The following RNF157 variants were observed in gnomAD, a reference collection of about 807,000 sequenced individuals.
RNF157 encodes the protein ring finger protein 157, also known as E3 ubiquitin ligase RNF157.
RNF157 carries 55 observed loss-of-function variants against 88.3 expected under a neutral mutation model. That is an observed-to-expected ratio of 0.62 (90% confidence interval 0.50 to 0.78). RNF157 has a LOEUF of 0.78. Ranked by LOEUF, RNF157 falls within the 30% of genes least tolerant of loss-of-function variation. RNF157 has a pLI of 0.00. For missense variants in RNF157, 788 were observed against 860.8 expected, an observed-to-expected ratio of 0.92 and a Z score of 1.06; for synonymous variants, 334 against 341.2, an observed-to-expected ratio of 0.98 and a Z score of 0.23.
intron 2 of RNF157, among the ~76,000 whole-genome samples, chr17:76,203,287 C>T (rs941244150): frequency 6.6e-6 from 1 of 152,058 alleles, no homozygotes; most frequent in African/African-American, 2.4e-5. Flanking sequence ...CATCAGGTCC[C>T]GCCATCATTT....
At chr17:76,150,090 A>T (rs1447412470) in intron 18 of RNF157, among the ~76,000 whole-genome samples, 1 of 152,198 alleles carries the variant, frequency 6.6e-6, no homozygotes, top group Admixed American at 6.5e-5. Flanking sequence ...TCCTTGCCAC[A>T]GAAGCGTTCC....
intron 2 of RNF157, among the ~76,000 whole-genome samples, chr17:76,184,909 G>C (rs2069255069): frequency 6.6e-6 from 1 of 152,192 alleles, no homozygotes; most frequent in African/African-American, 2.4e-5. Flanking sequence ...ATGGCTATAT[G>C]ACCTCCCACC....
intron 1 of RNF157, among the ~76,000 whole-genome samples, chr17:76,229,680 A>G (rs1280160491): frequency 1.3e-5 from 2 of 152,182 alleles, no homozygotes; most frequent in Non-Finnish European, 2.9e-5. Flanking sequence ...CTGGCACCAG[A>G]ACTCCTCTTA....
chr17:76,226,142 C>T (rs900563775), intron 1 of RNF157: 48 of 1,603,442 alleles, frequency 3.0e-5, no homozygotes, highest in Middle Eastern at 3.4e-4. Context: ...TGGGCTCATA[C>T]AGATGCCACT....
At position 76,152,380 on chromosome 17, in the gene RNF157, C is replaced by T; in HGVS notation, c.1896G>A (p.Lys632=). The T allele has an allele frequency of 1.2e-6, 2 of 1,611,486 alleles. No individual in the cohort carries two copies. Among genetic ancestry groups the T allele is most frequent in the East Asian group, 2.2e-5 (1 of 44,866 alleles). Reference sequence around the variant, plus strand: ...CAGGTAAGCAGACCTCAGAGCACAGCTTATTGTCCAGTGCTTTCACGCTTG... The same window carrying T: ...CAGGTAAGCAGACCTCAGAGCACAGTTTATTGTCCAGTGCTTTCACGCTTG... The part of the protein sequence containing the change: ...DIASVKALDN[K]LCSEVCLPGA... Residue 632 remains lysine, a synonymous_variant, in exon 18 of 19, where the codon AAG becomes AAA. Coordinates refer to ENST00000269391, the MANE Select transcript of RNF157 (RefSeq NM_052916.3).
chr17:76,175,748 C>T lies in RNF157; in HGVS notation c.208-1958G>A, dbSNP rs2069092551. The stretch of plus-strand genomic sequence containing the variant: ...CTTGGGCGTTATCCATAACTCCTAC[C>T]TGCATTTCAAAAAAAAGATGCGTCT... On this transcript the variant is annotated intron_variant, in intron 2 of 18. Coordinates refer to ENST00000269391, the MANE Select transcript of RNF157 (RefSeq NM_052916.3). 1.2e-5 allele frequency: 12 copies of T among 984,770 alleles called. No individual in the cohort carries two copies. In the South Asian group the frequency reaches 5.6e-4, roughly 46 times the overall value. The allele number at this position is 984,770 out of a possible 1,614,324, so 61.0% of individuals were successfully genotyped here.
In RNF157 at chr17:76,159,550, G is replaced by A; in HGVS notation, c.1089C>T (p.Gly363=). 6.3e-7 allele frequency: 1 copy of A among 1,597,262 alleles called. No homozygotes were observed. Among genetic ancestry groups the A allele is most frequent in the Non-Finnish European group, 8.5e-7 (1 of 1,175,642 alleles). The change falls in exon 12 of 19, where the codon GGC becomes GGT. Residue 363 remains glycine, a synonymous_variant. Transcript: ENST00000269391. ...EHPSSENIPP[G]YEVVSLLEAL... is the part of the protein sequence containing the mutation. ...CCTCCAGAAGAGATACTACTTCATA[G>A]CCTGGTGGAATATTCTCTGAGGACT...
At chr17:76,238,184 G>A (rs1016293810) in intron 1 of RNF157, among the ~76,000 whole-genome samples, 1 of 151,866 alleles carries the variant, frequency 6.6e-6, no homozygotes, top group African/African-American at 2.4e-5. Flanking sequence ...ATCCCATAAA[G>A]AGCCAGGTCA....
chr17:76,225,086 C>T (rs368763224), intron 1 of RNF157, among the ~76,000 whole-genome samples: 2 of 151,990 alleles, frequency 1.3e-5, no homozygotes, highest in African/African-American at 4.8e-5. Flanking sequence ...GCAGAAGAAT[C>T]GCTTGAACCT....
chr17:76,154,491 C>A, intron 16 of RNF157, 163 bp from the exon 17 acceptor site: 1 of 635,218 alleles, frequency 1.6e-6, no homozygotes, highest in Non-Finnish European at 2.9e-6. Flanking sequence ...TGAGTAGAGG[C>A]AGATCTTGCT....
rs150232473 is a variant in RNF157, at chr17:76,142,704, G to A, written c.*2531C>T. ...GGACCCCAACTCCCAGGTGAGGTGG[G>A]CAGGACCCTAACTCCCAGGCCAGCC... On this transcript the variant is annotated 3_prime_UTR_variant, in exon 19 of 19. Coordinates refer to ENST00000269391, the MANE Select transcript of RNF157 (RefSeq NM_052916.3). 0.016 allele frequency: 2,493 copies of A among 152,564 alleles called. 43 individuals are homozygous for A. The highest frequency in any genetic ancestry group is 0.025 in the Non-Finnish European group (1,738 of 68,178). The allele number at this position is 152,564 out of a possible 1,614,324, so 9.5% of individuals were successfully genotyped here.
At chr17:76,226,800 C>T (rs1393393422) in intron 1 of RNF157, 32 of 1,553,650 alleles carry the variant, frequency 2.1e-5, no homozygotes, top group Admixed American at 8.0e-5. Context: ...AAGCTCATTT[C>T]GGTCATGTTG....
At position 76,240,145 on chromosome 17, in the gene RNF157, G is replaced by A. The variant is rs1333063091; in HGVS notation, c.88+8C>T. Reference sequence around the variant, plus strand: ...CTCCTCGCGGCTGCGGCGCCCGCCCGCCCTCACCGGACTTGGGCGGGTAGC... The same window carrying A: ...CTCCTCGCGGCTGCGGCGCCCGCCCACCCTCACCGGACTTGGGCGGGTAGC... On this transcript the variant is annotated splice_region_variant and intron_variant, in intron 1 of 18. Transcript: ENST00000269391. This position sits in a 1 kb window ranked among gnomAD's most constrained non-coding sequence, Gnocchi z 4.4. 3.0e-6 allele frequency: 4 copies of A among 1,328,220 alleles called. No individual in the cohort carries two copies. The highest frequency in any genetic ancestry group is 2.3e-5 in the South Asian group (1 of 43,950). The allele number at this position is 1,328,220 out of a possible 1,614,324, so 82.3% of individuals were successfully genotyped here.
At position 76,146,391 on chromosome 17, in the gene RNF157, G is replaced by A. The variant is rs560446898; in HGVS notation, c.1922-1038C>T. ...TGCTCAGGCTCCTCCAGGCCATCTCGCCTCTCCCCTGGGAGTCCTCTTCAT... is the reference window on the plus strand; with the variant it reads ...TGCTCAGGCTCCTCCAGGCCATCTCACCTCTCCCCTGGGAGTCCTCTTCAT... On this transcript the variant is annotated intron_variant, in intron 18 of 18. Transcript: ENST00000269391. The surrounding 1 kb of genome is among the most constrained non-coding windows in gnomAD (Gnocchi z 4.2). 85 of 985,528 alleles carry A rather than the reference G, an allele frequency of 8.6e-5. No individual in the cohort carries two copies. The South Asian group carries it at 3.2e-3, about 38-fold the overall frequency. The allele number at this position is 985,528 out of a possible 1,614,324, so 61.0% of individuals were successfully genotyped here.
rs1262259943 is a variant in RNF157, at chr17:76,157,081, C to T, written c.1414-760G>A. Among the ~76,000 whole-genome samples the T allele has an allele frequency of 6.6e-6, 1 of 152,156 alleles. No individual in the cohort carries two copies. The highest frequency in any genetic ancestry group is 1.5e-5 in the Non-Finnish European group (1 of 68,022). On this transcript the variant is annotated intron_variant, in intron 13 of 18. Coordinates refer to ENST00000269391, the MANE Select transcript of RNF157 (RefSeq NM_052916.3). This position sits in a 1 kb window ranked among gnomAD's most constrained non-coding sequence, Gnocchi z 5.6. ...TCCTGGGTTCAAGCGATTCTCCTGCCTCAGCCTCCCGAGTAGCTGGGACTA... is the reference window on the plus strand; with the variant it reads ...TCCTGGGTTCAAGCGATTCTCCTGCTTCAGCCTCCCGAGTAGCTGGGACTA...
At chr17:76,239,108 A>C (rs1280745971) in intron 1 of RNF157, among the ~76,000 whole-genome samples, 1 of 152,180 alleles carries the variant, frequency 6.6e-6, no homozygotes, top group Non-Finnish European at 1.5e-5. Flanking sequence ...CTCATTCCGA[A>C]ATCACCAAAA....
intron 17 of RNF157, among the ~76,000 whole-genome samples, chr17:76,152,758 C>T (rs2068700307): frequency 6.6e-6 from 1 of 152,160 alleles, no homozygotes; most frequent in Non-Finnish European, 1.5e-5. Flanking sequence ...AATACTAGAG[C>T]GAGCAGAGCT....
rs1192869812 is a variant in RNF157 at position 76,161,426 on chromosome 17, T to G, written c.1065+109A>C. The G allele has an allele frequency of 1.2e-6, 1 of 842,494 alleles. No individual in the cohort carries two copies. Among genetic ancestry groups the G allele is most frequent in the Non-Finnish European group, 2.0e-6 (1 of 497,366 alleles). 52.2% of individuals were successfully genotyped at this position (842,494 alleles called of 1,614,324 possible). On this transcript the variant is annotated intron_variant, in intron 11 of 18. Transcript: ENST00000269391. This position sits in a 1 kb window ranked among gnomAD's most constrained non-coding sequence, Gnocchi z 4.6. ...AGCCGGCTTGCTAAATACTGCAGCA[T>G]GCCCTGGTCTAATTCCTTGCTGCAA...
chr17:76,194,859 CA>C (rs1262516853), intron 2 of RNF157, among the ~76,000 whole-genome samples: 4 of 151,974 alleles, frequency 2.6e-5, no homozygotes, highest in Non-Finnish European at 2.9e-5. Context: ...ACTAAAAATA[CA>C]AAAAATTAGC....
Sources: gnomAD v4.1 joint callset for allele counts (sites outside exome capture counted in the v4.1 genomes callset) on GRCh38, gnomAD v4.1.1 for gene constraint, Gnocchi (gnomAD v3.1) non-coding constraint, MANE v1.5 for transcripts, NCBI Gene and HGNC (gene_info 2026-07-23, HGNC 2026-07-21) for gene names.